TENM4: variants seen among roughly 807,000 people sequenced by gnomAD.
TENM4 encodes the protein teneurin-4.
Under a neutral mutation model 243.3 loss-of-function variants are expected in TENM4, and 82 were observed. The ratio of observed to expected loss-of-function variants is 0.34; its 90% CI spans 0.28 to 0.40. The LOEUF (loss-of-function observed/expected upper bound fraction) is 0.40. Ranked by LOEUF, TENM4 falls within the 10% of genes least tolerant of loss-of-function variation. The pLI, the probability that TENM4 is intolerant of heterozygous loss-of-function variation, is 1.00. For synonymous variants in TENM4, 1,412 were observed against 1,456.3 expected (o/e 0.97, Z 0.69); for missense variants, 3,138 against 3,673.3 (o/e 0.85, Z 3.77).
At position 78,978,169 on chromosome 11, in the gene TENM4, CAGGGAGGGGAAAAACATA is replaced by C. The variant is rs1312759931; in HGVS notation, c.494-74664_494-74647del. On this transcript the variant is annotated intron_variant, in intron 6 of 33. Transcript: ENST00000278550. ...GTTGAACAATGAGAACACATGGACACAGGGAGGGGAAAAACATACACTGCAGCCTGTTGGCGGATGGGG... is the reference window on the plus strand; with the variant it reads ...GTTGAACAATGAGAACACATGGACACCACTGCAGCCTGTTGGCGGATGGGG... Among the ~76,000 whole-genome samples, 344 of 152,038 alleles carry C rather than the reference CAGGGAGGGGAAAAACATA, an allele frequency of 2.3e-3. 4 individuals are homozygous for C. Among genetic ancestry groups the C allele is most frequent in the African/African-American group, 7.5e-3 (312 of 41,468 alleles).
intron 3 of TENM4, among the ~76,000 whole-genome samples, chr11:79,210,803 C>T (rs576931355): frequency 1.2e-4 from 19 of 152,128 alleles, no homozygotes; most frequent in Non-Finnish European, 2.6e-4. Context: ...TTCTAGATAA[C>T]GGGCATTACT....
chr11:78,925,306 T>TA (rs35916112), intron 6 of TENM4, among the ~76,000 whole-genome samples: 5,653 of 145,498 alleles, frequency 0.039, 178 homozygotes, highest in Non-Finnish European at 0.061. Flanking sequence ...TATTTTTACT[T>TA]AAAAAAAAAA....
At chr11:79,377,301 C>T (rs1381671545) in intron 1 of TENM4, among the ~76,000 whole-genome samples, 1 of 152,134 alleles carries the variant, frequency 6.6e-6, no homozygotes, top group Non-Finnish European at 1.5e-5. Context: ...TCTACATCAC[C>T]AAGTTTGTGG....
chr11:79,137,319 T>G (rs1862128895), intron 4 of TENM4, among the ~76,000 whole-genome samples: 1 of 152,112 alleles, frequency 6.6e-6, no homozygotes, highest in African/African-American at 2.4e-5. Flanking sequence ...AGTCTGCTAC[T>G]CCACAACGGA....
At chr11:79,170,687 T>C (rs1283348225) in intron 3 of TENM4, among the ~76,000 whole-genome samples, 1 of 152,138 alleles carries the variant, frequency 6.6e-6, no homozygotes. Flanking sequence ...TGGAGAGGCA[T>C]GGAACAAGTC....
intron 2 of TENM4, among the ~76,000 whole-genome samples, chr11:79,288,710 T>G (rs1395995405): frequency 6.6e-6 from 1 of 152,202 alleles, no homozygotes; most frequent in Non-Finnish European, 1.5e-5. Flanking sequence ...GTCAGCTTCT[T>G]TCCTGGCTAA....
At chr11:79,273,848 A>G (rs1555039742) in intron 2 of TENM4, among the ~76,000 whole-genome samples, 1 of 152,238 alleles carries the variant, frequency 6.6e-6, no homozygotes, top group Non-Finnish European at 1.5e-5. Flanking sequence ...GCCAGGAACA[A>G]ACCTTGAAAC....
chr11:78,915,211 C>G (rs1284899407), intron 6 of TENM4, among the ~76,000 whole-genome samples: 6 of 152,206 alleles, frequency 3.9e-5, no homozygotes, highest in African/African-American at 1.4e-4. Flanking sequence ...GCTTTTCACA[C>G]CTTTGCCTGG....
chr11:79,170,398 C>G (rs143580298), intron 3 of TENM4, among the ~76,000 whole-genome samples: 11 of 152,162 alleles, frequency 7.2e-5, no homozygotes, highest in Admixed American at 5.9e-4. Flanking sequence ...ACAGCATTGC[C>G]CAAAATTGAT....
chr11:79,391,322 G>T (rs181454224), intron 1 of TENM4, among the ~76,000 whole-genome samples: 85 of 152,208 alleles, frequency 5.6e-4, no homozygotes, highest in Middle Eastern at 6.8e-3. Flanking sequence ...CCAACAGTGA[G>T]CCTGCAGATG....
At chr11:79,371,154 C>G (rs1857777370) in intron 1 of TENM4, among the ~76,000 whole-genome samples, 1 of 152,202 alleles carries the variant, frequency 6.6e-6, no homozygotes, top group Non-Finnish European at 1.5e-5. Flanking sequence ...TCTCAAGTGT[C>G]AGAAGCTATG....
rs75539729 is a variant in TENM4 at position 78,769,745 on chromosome 11, G to A, written c.2539+1247C>T. On this transcript the variant is annotated intron_variant, in intron 18 of 33. Coordinates refer to ENST00000278550, the MANE Select transcript of TENM4 (RefSeq NM_001098816.3). ...ATTGCTCCACTGGGCCCAGGCCTGG[G>A]TACATCAGGCCCAATTACCTCCTGG... is the stretch of plus-strand genomic sequence containing the variant. 7.7e-3 allele frequency among the ~76,000 whole-genome samples: 1,180 copies of A among 152,344 alleles called. 19 individuals are homozygous for A. The highest frequency in any genetic ancestry group is 0.027 in the African/African-American group (1,121 of 41,576).
intron 3 of TENM4, among the ~76,000 whole-genome samples, chr11:79,177,028 A>C (rs967385722): frequency 3.3e-5 from 5 of 152,158 alleles, no homozygotes; most frequent in Non-Finnish European, 7.4e-5. Flanking sequence ...TACCCCTGAC[A>C]GACTAAACTT....
intron 4 of TENM4, among the ~76,000 whole-genome samples, chr11:79,120,351 G>A (rs1861716205): frequency 6.6e-6 from 1 of 152,150 alleles, no homozygotes; most frequent in African/African-American, 2.4e-5. Flanking sequence ...AAATCAAGAG[G>A]CAAATGTAAA....
intron 7 of TENM4, among the ~76,000 whole-genome samples, chr11:78,894,511 G>A (rs139784092): frequency 2.6e-4 from 40 of 152,318 alleles, no homozygotes; most frequent in African/African-American, 9.4e-4. Flanking sequence ...AAAAAAGAGA[G>A]ACTGGACAAT....
intron 1 of TENM4, among the ~76,000 whole-genome samples, chr11:79,372,888 T>A (rs145624455): frequency 0.011 from 1,619 of 152,210 alleles, 10 homozygotes; most frequent in Non-Finnish European, 0.016. Flanking sequence ...ACAAGGTGAC[T>A]TGGGCAAGGC....
chr11:78,960,054 C>T (rs557040682), intron 6 of TENM4, among the ~76,000 whole-genome samples: 2 of 152,052 alleles, frequency 1.3e-5, no homozygotes, highest in South Asian at 4.2e-4. Flanking sequence ...CCATCACTGG[C>T]AAAATGGGGA....
At chr11:79,092,849 G>A (rs1365883698) in intron 4 of TENM4, 2 of 152,218 alleles carry the variant, frequency 1.3e-5, no homozygotes, top group African/African-American at 4.8e-5. Context: ...AATCTGGAGA[G>A]CTGGCTGCTA....
chr11:78,846,465 T>C (rs981887528), intron 12 of TENM4, among the ~76,000 whole-genome samples: 2 of 152,102 alleles, frequency 1.3e-5, no homozygotes, highest in Admixed American at 6.5e-5. Flanking sequence ...GGTTGAATAA[T>C]GAACAAATGA....
Sources: gnomAD v4.1 joint callset for allele counts (sites outside exome capture counted in the v4.1 genomes callset) on GRCh38, gnomAD v4.1.1 for gene constraint, MANE v1.5 for transcripts, NCBI Gene and HGNC (gene_info 2026-07-23, HGNC 2026-07-21) for gene names.